The following MYOF variants were observed in gnomAD, a reference collection of about 807,000 sequenced individuals.
MYOF encodes the protein fer-1-like 3, myoferlin.
Under a neutral mutation model 284.2 loss-of-function variants are expected in MYOF, and 244 were observed. The ratio of observed to expected loss-of-function variants is 0.86; its 90% CI spans 0.77 to 0.95. MYOF has a LOEUF of 0.95. Among genes scored for constraint, MYOF ranks in the 40% least tolerant of loss-of-function variants. The probability of loss-of-function intolerance (pLI) is 0.00; values close to 1 mark genes in which losing one functional copy is unlikely to be tolerated. For synonymous variants in MYOF, 904 were observed against 919.7 expected, an observed-to-expected ratio of 0.98 and a Z score of 0.31; for missense variants, 2,496 against 2,560.6, an observed-to-expected ratio of 0.97 and a Z score of 0.54.
At chr10:93,386,444 G>T (rs1383359620) in intron 19 of MYOF, among the ~76,000 whole-genome samples, 1 of 152,200 alleles carries the variant, frequency 6.6e-6, no homozygotes, top group Non-Finnish European at 1.5e-5. Context: ...CATCTTTGCT[G>T]TAGTAATTCA....
At chr10:93,314,776 G>A (rs1387853373) in intron 50 of MYOF, among the ~76,000 whole-genome samples, 1 of 152,176 alleles carries the variant, frequency 6.6e-6, no homozygotes, top group Non-Finnish European at 1.5e-5. Flanking sequence ...GGCCAGGCAT[G>A]GTGGCTCATG....
At chr10:93,438,985 C>A (rs772870896) in intron 3 of MYOF, among the ~76,000 whole-genome samples, 1 of 152,152 alleles carries the variant, frequency 6.6e-6, no homozygotes, top group Non-Finnish European at 1.5e-5. Context: ...AAACACTGAT[C>A]CTCAACCGTG....
rs140687387 is a variant in MYOF, at chr10:93,447,322, A to G, written c.236+4728T>C. ...CCCTTTACCTCCCTTCCTTAAGGGCATGACTAGTGTAAACTGACTCAAAGC... is the reference window on the plus strand; with the variant it reads ...CCCTTTACCTCCCTTCCTTAAGGGCGTGACTAGTGTAAACTGACTCAAAGC... On this transcript the variant is annotated intron_variant, in intron 3 of 53. Transcript: ENST00000359263. 5.1e-3 allele frequency among the ~76,000 whole-genome samples: 775 copies of G among 152,204 alleles called. 3 individuals are homozygous for G. The highest frequency in any genetic ancestry group is 0.018 in the African/African-American group (745 of 41,518).
chr10:93,310,763 C>T, intron 51 of MYOF, 120 bp from the exon 52 acceptor site: 2 of 914,264 alleles, frequency 2.2e-6, no homozygotes, highest in Non-Finnish European at 3.3e-6. Context: ...CCTTAGATTG[C>T]CTTCAGTTTT....
At chr10:93,477,799 A>G (rs570978798) in intron 1 of MYOF, among the ~76,000 whole-genome samples, 2 of 152,326 alleles carry the variant, frequency 1.3e-5, no homozygotes, top group East Asian at 3.9e-4. Context: ...GTGAGCCGAG[A>G]TCATACCATT....
intron 3 of MYOF, among the ~76,000 whole-genome samples, chr10:93,435,243 T>A (rs1439813520): frequency 2.6e-5 from 4 of 152,120 alleles, no homozygotes; most frequent in Non-Finnish European, 4.4e-5. Context: ...AATAAACAAA[T>A]CTTAGAACAA....
In MYOF at chr10:93,333,875, G is replaced by T. The variant is rs781341952; in HGVS notation, c.4602C>A (p.Ser1534Arg). 3 of 1,613,924 alleles carry T rather than the reference G, an allele frequency of 1.9e-6. No homozygotes were observed. Among genetic ancestry groups the T allele is most frequent in the African/African-American group, 2.7e-5 (2 of 74,866 alleles). ...FRIYPLPDDPSVPAPPRQFRE... is the reference protein window; with the variant it reads ...FRIYPLPDDPRVPAPPRQFRE... ...GAAACTGTCTGGGAGGGGCTGGCAC[G>T]CTGGGGTCATCCGGCAGAGGGTAGA... Residue 1534 changes from serine (S) to arginine (R), a missense_variant, in exon 42 of 54, where the codon AGC becomes AGA. Transcript: ENST00000359263.
At chr10:93,333,453 G>T in intron 42 of MYOF, 141 bp from the exon 43 acceptor site, 1 of 812,576 alleles carries the variant, frequency 1.2e-6, no homozygotes. Flanking sequence ...CCTAAGACAA[G>T]GGAGCAATGC....
rs375915333 is a variant in MYOF at position 93,343,862 on chromosome 10, A to G, written c.4320T>C (p.Ala1440=). ...IEMEDTKPLL[A]SKLTEKEEEI... ...GATCAGCTCTGAAGCCTACCTTAGA[A>G]GCCAGTAATGGTTTGGTGTCTTCCA... The change falls in exon 38 of 54, where the codon GCT becomes GCC. Residue 1440 remains alanine, a synonymous_variant. Transcript: ENST00000359263. The G allele has an allele frequency of 6.8e-6, 11 of 1,614,090 alleles. No homozygotes were observed. The African/African-American group carries it at 1.5e-4, about 22-fold the overall frequency.
chr10:93,410,789 C>T lies in MYOF; in HGVS notation c.434-1050G>A, dbSNP rs547981693. 1.5e-4 allele frequency among the ~76,000 whole-genome samples: 23 copies of T among 152,330 alleles called. 1 individual carries two copies. The South Asian group carries it at 1.9e-3, about 12-fold the overall frequency. On this transcript the variant is annotated intron_variant, in intron 5 of 53. Transcript: ENST00000359263. Reference sequence around the variant, plus strand: ...TTTGGATTCTGAAACTCCTTCTCTACGATGCAAGATTATGAAAGAGATTTA... The same window carrying T: ...TTTGGATTCTGAAACTCCTTCTCTATGATGCAAGATTATGAAAGAGATTTA...
intron 3 of MYOF, among the ~76,000 whole-genome samples, chr10:93,431,842 T>C (rs1554862575): frequency 6.7e-6 from 1 of 150,226 alleles, no homozygotes; most frequent in Non-Finnish European, 1.5e-5. Context: ...ACCTCCCAGG[T>C]ACAAGTGATT....
intron 49 of MYOF, among the ~76,000 whole-genome samples, chr10:93,318,524 C>T (rs758139663): frequency 2.0e-4 from 31 of 152,096 alleles, no homozygotes; most frequent in Admixed American, 7.2e-4. Context: ...TTTGCGGGGC[C>T]GAGGTGGGTG....
chr10:93,366,205 GC>G (rs113767596), intron 26 of MYOF, among the ~76,000 whole-genome samples, 186 bp downstream of exon 26: 6,904 of 152,186 alleles, frequency 0.045, 366 homozygotes, highest in African/African-American at 0.14. Flanking sequence ...GTTACCAGGT[GC>G]TTTTTATATT....
At chr10:93,417,355 T>C (rs1848176668) in intron 5 of MYOF, among the ~76,000 whole-genome samples, 1 of 152,174 alleles carries the variant, frequency 6.6e-6, no homozygotes, top group South Asian at 2.1e-4. Flanking sequence ...TGTATTGTGA[T>C]CCTCTTTCCA....
At chr10:93,419,819 ATT>A (rs1848281430) in intron 5 of MYOF, among the ~76,000 whole-genome samples, 1 of 152,182 alleles carries the variant, frequency 6.6e-6, no homozygotes, top group East Asian at 1.9e-4. Flanking sequence ...GTCAATAAAT[ATT>A]TTCTGAACTG....
At chr10:93,390,428 G>A (rs977235151) in intron 17 of MYOF, among the ~76,000 whole-genome samples, 22 of 152,102 alleles carry the variant, frequency 1.4e-4, no homozygotes, top group African/African-American at 4.3e-4. Context: ...ACTAGTGCAC[G>A]CAGCCTAAGG....
chr10:93,402,060 C>A (rs1212486030), intron 11 of MYOF, among the ~76,000 whole-genome samples, 172 bp downstream of exon 11: 1 of 152,126 alleles, frequency 6.6e-6, no homozygotes, highest in Non-Finnish European at 1.5e-5. Flanking sequence ...TTTAAGTAAG[C>A]TAGAACAATA....
At chr10:93,312,724 T>C (rs770454005) in intron 51 of MYOF, among the ~76,000 whole-genome samples, 5 of 152,098 alleles carry the variant, frequency 3.3e-5, no homozygotes, top group Non-Finnish European at 7.4e-5. Context: ...CTAGCATTAA[T>C]TAACTTCCCT....
chr10:93,387,936 T>C, intron 18 of MYOF, 23 bp from the exon 19 acceptor site: 1 of 1,579,666 alleles, frequency 6.3e-7, no homozygotes, highest in Non-Finnish European at 8.7e-7. Context: ...AATCCAGGAT[T>C]ATTCCTCTAG....
Sources: gnomAD v4.1 joint callset for allele counts (sites outside exome capture counted in the v4.1 genomes callset) on GRCh38, gnomAD v4.1.1 for gene constraint, MANE v1.5 for transcripts, NCBI Gene and HGNC (gene_info 2026-07-23, HGNC 2026-07-21) for gene names.